The following EYS variants were observed in gnomAD, a reference collection of about 807,000 sequenced individuals.
EYS encodes EGF-like photoreceptor maintenance factor.
EYS carries 250 observed loss-of-function variants against 282.1 expected under a neutral mutation model. The observed-to-expected ratio is 0.89, with a 90% CI of 0.80 to 0.98. The LOEUF (loss-of-function observed/expected upper bound fraction) is 0.98, where lower values mean the gene tolerates loss of function less well. Among genes scored for constraint, EYS ranks in the 50% least tolerant of loss-of-function variants. EYS has a pLI of 0.00. For synonymous variants in EYS, 1,355 were observed against 1,282.9 expected (o/e 1.06, Z -1.20); for missense variants, 4,016 against 3,709.0 (o/e 1.08, Z -2.15).
At chr6:65,597,006 T>G (rs1765431989) in intron 2 of EYS, among the ~76,000 whole-genome samples, 1 of 152,086 alleles carries the variant, frequency 6.6e-6, no homozygotes. Flanking sequence ...GTAACTCAAA[T>G]TTGATACAGA....
chr6:64,416,151 C>T (rs1774052268), intron 28 of EYS, among the ~76,000 whole-genome samples: 1 of 152,068 alleles, frequency 6.6e-6, no homozygotes, highest in South Asian at 2.1e-4. Flanking sequence ...TCAATGGCTT[C>T]CTTAAATAAA....
intron 2 of EYS, among the ~76,000 whole-genome samples, chr6:65,555,434 T>A (rs1310036410): frequency 6.6e-6 from 1 of 152,156 alleles, no homozygotes; most frequent in Admixed American, 6.5e-5. Context: ...TTACTTTATT[T>A]TTTCACTATA....
intron 33 of EYS, among the ~76,000 whole-genome samples, chr6:64,004,365 T>A (rs1295704200): frequency 1.3e-5 from 2 of 152,170 alleles, no homozygotes; most frequent in African/African-American, 2.4e-5. Flanking sequence ...TTTAATATAC[T>A]TTCTTATAAA....
At chr6:64,390,979 A>G (rs1161418276) in intron 28 of EYS, among the ~76,000 whole-genome samples, 2 of 152,270 alleles carry the variant, frequency 1.3e-5, no homozygotes, top group Admixed American at 6.5e-5. Flanking sequence ...TGAAGAATGC[A>G]GAAGCCTCAG....
At position 63,762,624 on chromosome 6, in the gene EYS, A is replaced by G. The variant is rs1769674017; in HGVS notation, c.7908T>C (p.Cys2636=). 4 of 1,549,854 alleles carry G rather than the reference A, an allele frequency of 2.6e-6. No individual in the cohort carries two copies. Among genetic ancestry groups the G allele is most frequent in the African/African-American group, 1.4e-5 (1 of 73,042 alleles). Residue 2636 remains cysteine, a synonymous_variant, in exon 41 of 43, where the codon TGT becomes TGC. Transcript: ENST00000503581. ...AGAATGATCCTTTCCACCCAGTGGT[A>G]CAATTGCAGCTGTGGGTTGAGAGAA... ...IESGTSVYCN[C]TTGWKGSFCT...
At chr6:65,293,171 G>A (rs1161349035) in intron 12 of EYS, among the ~76,000 whole-genome samples, 3 of 150,978 alleles carry the variant, frequency 2.0e-5, no homozygotes, top group East Asian at 2.0e-4. Context: ...CAAGAAGGAC[G>A]ATAAACTTGC....
At chr6:65,022,896 T>C (rs769979415) in intron 13 of EYS, among the ~76,000 whole-genome samples, 4 of 152,046 alleles carry the variant, frequency 2.6e-5, no homozygotes, top group East Asian at 3.9e-4. Context: ...TTATATACTA[T>C]TGAAATTGTT....
chr6:65,562,292 A>T (rs1380309232), intron 2 of EYS, among the ~76,000 whole-genome samples: 4 of 152,080 alleles, frequency 2.6e-5, no homozygotes, highest in Non-Finnish European at 5.9e-5. Context: ...GAGGCAGCTT[A>T]ATAATAAAAC....
chr6:65,207,911 A>G (rs1448982068), intron 12 of EYS, among the ~76,000 whole-genome samples: 1 of 151,854 alleles, frequency 6.6e-6, no homozygotes, highest in Non-Finnish European at 1.5e-5. Context: ...GCCTGAAACT[A>G]TAGAAGTCCT....
At chr6:65,574,215 A>C (rs1159134801) in intron 2 of EYS, among the ~76,000 whole-genome samples, 4 of 152,166 alleles carry the variant, frequency 2.6e-5, no homozygotes, top group African/African-American at 9.6e-5. Context: ...ACCCTAAACC[A>C]TTCCGAGTGC....
intron 19 of EYS, among the ~76,000 whole-genome samples, chr6:64,826,888 C>T (rs1325754853): frequency 6.6e-6 from 1 of 151,520 alleles, no homozygotes; most frequent in Non-Finnish European, 1.5e-5. Flanking sequence ...TTTATGAACT[C>T]TCCATTGTCC....
chr6:64,778,787 A>G (rs1297274783), intron 22 of EYS, among the ~76,000 whole-genome samples: 4 of 152,198 alleles, frequency 2.6e-5, no homozygotes, highest in African/African-American at 4.8e-5. Flanking sequence ...ATATGTAGCT[A>G]TCCACACGAT....
chr6:64,367,162 C>T (rs796563376), intron 29 of EYS, among the ~76,000 whole-genome samples: 7 of 152,062 alleles, frequency 4.6e-5, no homozygotes, highest in African/African-American at 1.7e-4. Flanking sequence ...GGTGGCATTT[C>T]CTAAAGAGTC....
At chr6:65,337,806 C>A (rs1275651507) in intron 10 of EYS, among the ~76,000 whole-genome samples, 1 of 150,554 alleles carries the variant, frequency 6.6e-6, no homozygotes, top group Non-Finnish European at 1.5e-5. Flanking sequence ...CTTCAAACTA[C>A]CCATTGTATT....
intron 36 of EYS, among the ~76,000 whole-genome samples, chr6:63,835,060 G>A (rs867776562): frequency 2.0e-4 from 18 of 91,848 alleles, no homozygotes; most frequent in African/African-American, 7.5e-4. Context: ...TGTAGGGTGG[G>A]GGGAGGGGGG....
At chr6:64,330,177 G>C (rs771291062) in intron 29 of EYS, among the ~76,000 whole-genome samples, 33 of 152,168 alleles carry the variant, frequency 2.2e-4, no homozygotes, top group Non-Finnish European at 3.8e-4. Flanking sequence ...TGGGAGGCTG[G>C]CTATAAGGTG....
intron 31 of EYS, among the ~76,000 whole-genome samples, chr6:64,188,299 A>G (rs534620834): frequency 6.6e-6 from 1 of 152,226 alleles, no homozygotes; most frequent in African/African-American, 2.4e-5. Context: ...TTCCAGATTT[A>G]TGAACTTAAA....
rs1397127738 is a variant in EYS, at chr6:63,780,494, G to T, written c.7724-2314C>A. On this transcript the variant is annotated intron_variant, in intron 39 of 42. Coordinates refer to ENST00000503581, the MANE Select transcript of EYS (RefSeq NM_001142800.2). The stretch of plus-strand genomic sequence containing the variant: ...GGTTTTGATTTGCATTTCTCTGATG[G>T]CCACTGATGATGAGCATTTTTTCAT... Among the ~76,000 whole-genome samples, 3 of 152,120 alleles carry T rather than the reference G, an allele frequency of 2.0e-5. No homozygotes were observed. The East Asian group carries it at 5.8e-4, about 29-fold the overall frequency.
intron 12 of EYS, among the ~76,000 whole-genome samples, chr6:65,261,220 T>G (rs1413213841): frequency 6.6e-6 from 1 of 152,018 alleles, no homozygotes; most frequent in Non-Finnish European, 1.5e-5. Flanking sequence ...AATCAATGGT[T>G]ATTTTTTAAA....
Sources: gnomAD v4.1 joint callset for allele counts (sites outside exome capture counted in the v4.1 genomes callset) on GRCh38, gnomAD v4.1.1 for gene constraint, MANE v1.5 for transcripts, NCBI Gene and HGNC (gene_info 2026-07-23, HGNC 2026-07-21) for gene names.